The following RBMS3 variants were observed in gnomAD, a reference collection of about 807,000 sequenced individuals.
RBMS3 encodes the protein RNA binding motif single stranded interacting protein 3, also known as RNA-binding motif, single-stranded-interacting protein 3.
RBMS3 carries 27 observed loss-of-function variants against 66.8 expected under a neutral mutation model. That is an observed-to-expected ratio of 0.40 (90% CI 0.30 to 0.56). The LOEUF (loss-of-function observed/expected upper bound fraction) is 0.56. RBMS3 is among the 20% of genes least tolerant of loss of function. RBMS3 has a pLI of 0.40. For synonymous variants in RBMS3, 188 were observed against 183.0 expected (o/e 1.03, Z -0.22); for missense variants, 513 against 549.5 (o/e 0.93, Z 0.66).
At chr3:29,816,148 G>T (rs546848824) in intron 6 of RBMS3, among the ~76,000 whole-genome samples, 1 of 151,992 alleles carries the variant, frequency 6.6e-6, no homozygotes, top group Non-Finnish European at 1.5e-5. Context: ...CTGACATATG[G>T]TTTGACCTCT....
Position 29,415,133 on chromosome 3 carries a change from A to G in RBMS3, c.76-19610A>G, listed in dbSNP as rs538166828. Among the ~76,000 whole-genome samples, 4 of 152,296 alleles carry G rather than the reference A, an allele frequency of 2.6e-5. No homozygotes were observed. In the South Asian group the frequency reaches 8.3e-4, roughly 32 times the overall value. On this transcript the variant is annotated intron_variant, in intron 1 of 14. Coordinates refer to ENST00000383767, the MANE Select transcript of RBMS3 (RefSeq NM_001003793.3). The stretch of plus-strand genomic sequence containing the variant: ...ATTTTTTAAAATATGAATTATGCAA[A>G]TACATTTCTGCCCATTGAGATGATA...
intron 6 of RBMS3, among the ~76,000 whole-genome samples, chr3:29,862,435 C>T (rs1173471830): frequency 6.6e-6 from 1 of 152,172 alleles, no homozygotes; most frequent in Non-Finnish European, 1.5e-5. Context: ...TCCAACCTCT[C>T]CTATGATCAG....
intron 1 of RBMS3, among the ~76,000 whole-genome samples, chr3:29,385,024 A>G (rs2038950869): frequency 6.6e-6 from 1 of 151,998 alleles, no homozygotes; most frequent in Non-Finnish European, 1.5e-5. Flanking sequence ...CATCTTTGAC[A>G]CCCTGTTTCC....
Position 30,003,969 on chromosome 3 carries a change from TG to T in RBMS3, c.*108del, listed in dbSNP as rs1454125887. On this transcript the variant is annotated 3_prime_UTR_variant, in exon 15 of 15. Transcript: ENST00000383767. ...CAGACGTCAATGGAATGCATTTTTT[TG>T]TTGTTGTTGTTGTTTTTTTTTTAGT... 3.1e-6 allele frequency: 3 copies of T among 965,658 alleles called. No individual in the cohort carries two copies. The African/African-American group carries it at 5.2e-5, about 17-fold the overall frequency. 59.8% of individuals were successfully genotyped at this position (965,658 alleles called of 1,614,324 possible).
At position 29,354,316 on chromosome 3, in the gene RBMS3, C is replaced by A. The variant is rs183461188; in HGVS notation, c.75+72560C>A. On this transcript the variant is annotated intron_variant, in intron 1 of 14. Coordinates refer to ENST00000383767, the MANE Select transcript of RBMS3 (RefSeq NM_001003793.3). Reference sequence around the variant, plus strand: ...TATTAATTTCCACAAGTATTTTATGCCCATAAATATTCATGCCATAATAGA... The same window carrying A: ...TATTAATTTCCACAAGTATTTTATGACCATAAATATTCATGCCATAATAGA... Among the ~76,000 whole-genome samples, 387 of 152,036 alleles carry A rather than the reference C, an allele frequency of 2.5e-3. 2 individuals carry two copies. The highest frequency in any genetic ancestry group is 3.0e-3 in the Non-Finnish European group (206 of 67,962).
Position 30,004,888 on chromosome 3 carries a change from T to TA in RBMS3, c.*1037dup, listed in dbSNP as rs11363224. 0.11 allele frequency: 12,082 copies of TA among 114,712 alleles called. 594 individuals are homozygous for TA. The highest frequency in any genetic ancestry group is 0.15 in the Middle Eastern group (31 of 202). The allele number at this position is 114,712 out of a possible 1,614,324, so 7.1% of individuals were successfully genotyped here. On this transcript the variant is annotated 3_prime_UTR_variant, in exon 15 of 15. Coordinates refer to ENST00000383767, the MANE Select transcript of RBMS3 (RefSeq NM_001003793.3). ...ATTGCAAAACCTAGCTTAAGAGCAT[T>TA]AAAAAAAAAAACTTAAGTAGATAGG...
chr3:29,448,417 G>C (rs1274450981), intron 2 of RBMS3, among the ~76,000 whole-genome samples: 1 of 152,330 alleles, frequency 6.6e-6, no homozygotes, highest in South Asian at 2.1e-4. Context: ...AAAGGGATTT[G>C]CTGTCGGTCT....
intron 2 of RBMS3, among the ~76,000 whole-genome samples, chr3:29,442,936 T>G: frequency 6.6e-6 from 1 of 152,058 alleles, no homozygotes; most frequent in Non-Finnish European, 1.5e-5. Context: ...TGGACCCCTC[T>G]TTTCACTCTA....
At chr3:29,398,138 G>C (rs962415182) in intron 1 of RBMS3, among the ~76,000 whole-genome samples, 10 of 152,058 alleles carry the variant, frequency 6.6e-5, no homozygotes, top group African/African-American at 2.4e-4. Flanking sequence ...CAACCTCTTT[G>C]AGTCACAGAC....
At chr3:29,405,060 C>T (rs1295830274) in intron 1 of RBMS3, among the ~76,000 whole-genome samples, 1 of 152,120 alleles carries the variant, frequency 6.6e-6, no homozygotes, top group African/African-American at 2.4e-5. Context: ...TGCTTAGTCA[C>T]TTCTTGCCTA....
At chr3:29,656,432 C>T (rs72846057) in intron 4 of RBMS3, among the ~76,000 whole-genome samples, 3,130 of 152,280 alleles carry the variant, frequency 0.021, 80 homozygotes, top group Admixed American at 0.062. Context: ...TAAGCAACAC[C>T]ATATAGCCCA....
intron 10 of RBMS3, among the ~76,000 whole-genome samples, chr3:29,917,217 G>T (rs900546497): frequency 4.6e-5 from 7 of 152,032 alleles, no homozygotes; most frequent in Non-Finnish European, 1.0e-4. Flanking sequence ...AAATGCTATG[G>T]CAAATGATGT....
At chr3:29,299,946 T>A (rs572240697) in intron 1 of RBMS3, among the ~76,000 whole-genome samples, 1 of 151,734 alleles carries the variant, frequency 6.6e-6, no homozygotes, top group South Asian at 2.1e-4. Flanking sequence ...AAGTTTAATA[T>A]CCTAGATATA....
chr3:29,566,393 T>C (rs1185261059), intron 3 of RBMS3, among the ~76,000 whole-genome samples: 1 of 152,040 alleles, frequency 6.6e-6, no homozygotes, highest in East Asian at 1.9e-4. Flanking sequence ...AGTAAAGCAG[T>C]AGAAGAGTAG....
At chr3:29,576,958 GC>G (rs1413740811) in intron 3 of RBMS3, among the ~76,000 whole-genome samples, 1 of 152,172 alleles carries the variant, frequency 6.6e-6, no homozygotes, top group Admixed American at 6.5e-5. Context: ...CTAAGAGCCT[GC>G]TTTTTGCTCT....
intron 3 of RBMS3, among the ~76,000 whole-genome samples, chr3:29,527,483 T>C (rs867560612): frequency 6.6e-5 from 10 of 152,292 alleles, no homozygotes; most frequent in South Asian, 2.1e-4. Context: ...AGCAACTCCA[T>C]AACCAGGGGC....
chr3:29,431,607 A>G (rs1347832503), intron 1 of RBMS3, among the ~76,000 whole-genome samples: 1 of 152,038 alleles, frequency 6.6e-6, no homozygotes, highest in African/African-American at 2.4e-5. Flanking sequence ...CGTTTATTTC[A>G]AAGAAGAAAT....
intron 1 of RBMS3, among the ~76,000 whole-genome samples, chr3:29,376,256 CTAAGTGATGGGATCAT>C (rs1245992471): frequency 6.6e-6 from 1 of 152,094 alleles, no homozygotes; most frequent in Non-Finnish European, 1.5e-5. Context: ...GCCTTAATAC[CTAAGTGATGGGATCAT>C]TTCTGCAGCA....
At chr3:29,987,953 G>C (rs3773121) in intron 12 of RBMS3, 190 bp from the exon 13 acceptor site, 1 of 529,614 alleles carries the variant, frequency 1.9e-6, no homozygotes, top group African/African-American at 1.9e-5. Context: ...GGCTACTGTG[G>C]GTACTTAATC....
Sources: gnomAD v4.1 joint callset for allele counts (sites outside exome capture counted in the v4.1 genomes callset) on GRCh38, gnomAD v4.1.1 for gene constraint, MANE v1.5 for transcripts, NCBI Gene and HGNC (gene_info 2026-07-23, HGNC 2026-07-21) for gene names.